CASKIN1: variants seen among roughly 807,000 people sequenced by gnomAD.
The protein encoded by CASKIN1 is caskin-1.
CASKIN1 carries 42 observed loss-of-function variants against 117.5 expected under a neutral mutation model. The ratio of observed to expected loss-of-function variants is 0.36; its 90% CI spans 0.28 to 0.46. The LOEUF (loss-of-function observed/expected upper bound fraction) is 0.46, where lower values mean the gene tolerates loss of function less well. Among genes scored for constraint, CASKIN1 ranks in the 20% least tolerant of loss-of-function variants. The probability of loss-of-function intolerance (pLI) is 1.00; values close to 1 mark genes in which losing one functional copy is unlikely to be tolerated. For synonymous variants in CASKIN1, 1,148 were observed against 961.7 expected (o/e 1.19, Z -3.59); for missense variants, 2,083 against 2,077.3 (o/e 1.00, Z -0.05).
In CASKIN1 at chr16:2,183,813, G is replaced by A. The variant is rs760188792; in HGVS notation, c.1527+18C>T. On this transcript the variant is annotated intron_variant, in intron 15 of 19. Coordinates refer to ENST00000343516, the MANE Select transcript of CASKIN1 (RefSeq NM_020764.4). Reference sequence around the variant, plus strand: ...TCTGTGGGACGCAGCTGGCGCTGGCGGCGCATGGAAAGCTCACCTCGGGAG... The same window carrying A: ...TCTGTGGGACGCAGCTGGCGCTGGCAGCGCATGGAAAGCTCACCTCGGGAG... 8.7e-6 allele frequency: 14 copies of A among 1,611,626 alleles called. No individual in the cohort carries two copies. The East Asian group carries it at 1.8e-4, about 21-fold the overall frequency.
Position 2,190,132 on chromosome 16 carries a change from G to A in CASKIN1, c.185C>T (p.Thr62Met), listed in dbSNP as rs770028046. ...ALHHAALNGN[T>M]ELISLLLEAQ... ...CTCCAGCAGCAGGCTGATCAATTCC[G>A]TGTTGCCGTTCAGGGCCGCATGGTG... Residue 62 changes from threonine to methionine, a missense_variant, in exon 3 of 20, where the codon ACG becomes ATG. Thr to Met is a moderately conservative substitution (Grantham distance 81). Coordinates refer to ENST00000343516, the MANE Select transcript of CASKIN1 (RefSeq NM_020764.4). 2.7e-5 allele frequency: 44 copies of A among 1,612,746 alleles called. No individual in the cohort carries two copies. Among genetic ancestry groups the A allele is most frequent in the Middle Eastern group, 1.6e-4 (1 of 6,080 alleles).
chr16:2,187,405 A>G lies in CASKIN1; in HGVS notation c.674T>C (p.Leu225Pro). 1 of 1,611,414 alleles carries G rather than the reference A, an allele frequency of 6.2e-7. No individual in the cohort carries two copies. The highest frequency in any genetic ancestry group is 8.5e-7 in the Non-Finnish European group (1 of 1,179,826). The change falls in exon 7 of 20, where the codon CTG (leucine) becomes CCG (proline). Residue 225 changes from leucine (L) to proline (P), a missense_variant. By Grantham distance (98) the Leu-to-Pro change is moderately conservative. Transcript: ENST00000343516. Reference sequence around the variant, plus strand: ...CTTTCCGCAGAGCGCAGCCTCGTGCAGGGCCGTGCCGGACTTGGTCTGGCG... The same window carrying G: ...CTTTCCGCAGAGCGCAGCCTCGTGCGGGGCCGTGCCGGACTTGGTCTGGCG... Reference protein sequence around the residue: ...INRQTKSGTALHEAALCGKTE... With the variant: ...INRQTKSGTAPHEAALCGKTE...
In CASKIN1 at chr16:2,182,040, G is replaced by A. The variant is rs943074457; in HGVS notation, c.1630-111C>T. On this transcript the variant is annotated intron_variant, in intron 16 of 19. Coordinates refer to ENST00000343516, the MANE Select transcript of CASKIN1 (RefSeq NM_020764.4). This position sits in a 1 kb window ranked among gnomAD's most constrained non-coding sequence, Gnocchi z 4.1. ...CGGGCCAGCAGGGCACAGACAGACA[G>A]GAGGACAAACGGATAGGCCGAGGTA... The A allele has an allele frequency of 2.0e-6, 3 of 1,496,856 alleles. No individual in the cohort carries two copies. The highest frequency in any genetic ancestry group is 1.8e-6 in the Non-Finnish European group (2 of 1,096,066). 92.7% of individuals were successfully genotyped at this position (1,496,856 alleles called of 1,614,324 possible).
chr16:2,183,941 T>C lies in CASKIN1; in HGVS notation c.1417A>G (p.Ser473Gly), dbSNP rs1457350163. ...AGCCACTGGCTCACGGCCTCAGAGCTCTGGAAGACACAAGGCACCCACTGC... is the reference window on the plus strand; with the variant it reads ...AGCCACTGGCTCACGGCCTCAGAGCCCTGGAAGACACAAGGCACCCACTGC... ...KKLEPASEGK[S>G]SEAVSQWLTA... The change falls in exon 15 of 20, where the codon AGC becomes GGC. Residue 473 changes from serine to glycine, a missense_variant and splice_region_variant. Physicochemically the swap from Ser to Gly is moderately conservative, Grantham distance 56. Coordinates refer to ENST00000343516, the MANE Select transcript of CASKIN1 (RefSeq NM_020764.4). 1.9e-6 allele frequency: 3 copies of C among 1,592,224 alleles called. No individual in the cohort carries two copies.
Position 2,179,420 on chromosome 16 carries a change from G to T in CASKIN1, c.3776-95C>A. On this transcript the variant is annotated intron_variant, in intron 18 of 19. Coordinates refer to ENST00000343516, the MANE Select transcript of CASKIN1 (RefSeq NM_020764.4). The surrounding 1 kb of genome is among the most constrained non-coding windows in gnomAD (Gnocchi z 5.8). ...CGCGGCTTCCTCCCCAGCGGACCGG[G>T]AAAGACCCTGCTCACCTTGCCCCCA... The T allele has an allele frequency of 7.5e-7, 1 of 1,336,998 alleles. No homozygotes were observed. The highest frequency in any genetic ancestry group is 9.5e-7 in the Non-Finnish European group (1 of 1,050,624). 82.8% of individuals were successfully genotyped at this position (1,336,998 alleles called of 1,614,324 possible). A position where few individuals can be genotyped will look rare whatever the true frequency, so the allele number is the denominator to read the frequency against.
At chr16:2,190,268 C>T (rs1244320420) in intron 2 of CASKIN1, 39 bp downstream of exon 2, 1 of 1,580,538 alleles carries the variant, frequency 6.3e-7, no homozygotes, top group South Asian at 1.1e-5. Flanking sequence ...TAGGAGCCAC[C>T]CTCCCTTCCA....
Position 2,180,733 on chromosome 16 carries a change from G to T in CASKIN1, c.2635C>A (p.Arg879=). The T allele has an allele frequency of 2.1e-6, 3 of 1,447,564 alleles. No individual in the cohort carries two copies. The highest frequency in any genetic ancestry group is 2.6e-5 in the East Asian group (1 of 37,856). The allele number at this position is 1,447,564 out of a possible 1,614,324, so 89.7% of individuals were successfully genotyped here. The change falls in exon 18 of 20, where the codon CGG becomes AGG. Residue 879 remains arginine, a synonymous_variant. Transcript: ENST00000343516. ...GCATAGCGATTCAGGCTGTGGGCCC[G>T]CTTCTTGGGCCGCCCCGGCTCCGCG... is the stretch of plus-strand genomic sequence containing the variant. ...ADAEPGRPKK[R]AHSLNRYAAS... is the part of the protein sequence containing the mutation.
Position 2,177,751 on chromosome 16 carries a change from G to C in CASKIN1, c.*799C>G, listed in dbSNP as rs891471879. On this transcript the variant is annotated 3_prime_UTR_variant, in exon 20 of 20. Coordinates refer to ENST00000343516, the MANE Select transcript of CASKIN1 (RefSeq NM_020764.4). ...ATTCACCAAACCCACCCGCGCCCTG[G>C]GACGCAGCCACGCCAGGAGGAGGAC... 1 of 243,246 alleles carries C rather than the reference G, an allele frequency of 4.1e-6. No individual in the cohort carries two copies. The highest frequency in any genetic ancestry group is 2.2e-5 in the African/African-American group (1 of 45,078). The allele number at this position is 243,246 out of a possible 1,614,324, so 15.1% of individuals were successfully genotyped here. A position where few individuals can be genotyped will look rare whatever the true frequency, so the allele number is the denominator to read the frequency against.
chr16:2,180,191 C>T lies in CASKIN1; in HGVS notation c.3177G>A (p.Val1059=). ...CGCTGAGCGTGCGGCGCCGGTTCACCACCTCCCCGCCAGGCCCGATGGCCT... is the reference window on the plus strand; with the variant it reads ...CGCTGAGCGTGCGGCGCCGGTTCACTACCTCCCCGCCAGGCCCGATGGCCT... ...HKEAIGPGGE[V]VNRRRTLSGP... Residue 1059 remains valine, a synonymous_variant, in exon 18 of 20, where the codon GTG becomes GTA. Transcript: ENST00000343516. 1 of 1,549,838 alleles carries T rather than the reference C, an allele frequency of 6.5e-7. No homozygotes were observed. The highest frequency in any genetic ancestry group is 8.7e-7 in the Non-Finnish European group (1 of 1,147,458).
rs779937875 is a variant in CASKIN1, at chr16:2,178,600, C to G, written c.4246G>C (p.Gly1416Arg). The change falls in exon 20 of 20, where the codon GGC becomes CGC. Residue 1416 changes from glycine (G) to arginine (R), a missense_variant. Around this residue, in one of 3 missense-constraint regions of CASKIN1, gnomAD observed 1,818 missense variants for 1,688.9 expected, o/e 1.08. Coordinates refer to ENST00000343516, the MANE Select transcript of CASKIN1 (RefSeq NM_020764.4). ...TCGGCCAGGTCGTCGAACATGCTGC[C>G]GATGTCGTCCAGGATGCTGCCAGTG... ...KSTGSILDDIGSMFDDLADQL... is the reference protein window; with the variant it reads ...KSTGSILDDIRSMFDDLADQL... 5 of 1,597,686 alleles carry G rather than the reference C, an allele frequency of 3.1e-6. No homozygotes were observed. The highest frequency in any genetic ancestry group is 4.3e-6 in the Non-Finnish European group (5 of 1,176,308).
rs201512942 is a variant in CASKIN1, at chr16:2,183,811, G to A, written c.1527+20C>T. The A allele has an allele frequency of 6.5e-5, 105 of 1,611,724 alleles. No individual in the cohort carries two copies. In the African/African-American group the frequency reaches 1.2e-3, roughly 18 times the overall value. On this transcript the variant is annotated intron_variant, in intron 15 of 19. Coordinates refer to ENST00000343516, the MANE Select transcript of CASKIN1 (RefSeq NM_020764.4). ...CATCTGTGGGACGCAGCTGGCGCTG[G>A]CGGCGCATGGAAAGCTCACCTCGGG...
At position 2,179,160 on chromosome 16, in the gene CASKIN1, G is replaced by A; in HGVS notation, c.3941C>T (p.Pro1314Leu). Residue 1314 changes from proline to leucine, a missense_variant, in exon 19 of 20, where the codon CCG becomes CTG. Around this residue, in one of 3 missense-constraint regions of CASKIN1, gnomAD observed 1,818 missense variants for 1,688.9 expected, o/e 1.08. Coordinates refer to ENST00000343516, the MANE Select transcript of CASKIN1 (RefSeq NM_020764.4). This position sits in a 1 kb window ranked among gnomAD's most constrained non-coding sequence, Gnocchi z 5.8. ...GCCCAGCGAGGGCGGCGTACCGGGC[G>A]GCTTGGCGAGGGCGGCGGGCGGCTG... ...ARQPPAALAK[P>L]PGTPPSLGAS... 1.8e-6 allele frequency: 2 copies of A among 1,088,802 alleles called. No individual in the cohort carries two copies. Among genetic ancestry groups the A allele is most frequent in the Non-Finnish European group, 2.2e-6 (2 of 896,432 alleles). 67.4% of individuals were successfully genotyped at this position (1,088,802 alleles called of 1,614,324 possible).
rs1441778478 is a variant in CASKIN1 at position 2,180,325 on chromosome 16, C to A, written c.3043G>T (p.Gly1015Cys). 2.5e-6 allele frequency: 4 copies of A among 1,597,310 alleles called. No individual in the cohort carries two copies. Among genetic ancestry groups the A allele is most frequent in the Admixed American group, 1.7e-5 (1 of 59,480 alleles). Residue 1015 changes from glycine (G) to cysteine (C), a missense_variant, in exon 18 of 20, where the codon GGT becomes TGT. Coordinates refer to ENST00000343516, the MANE Select transcript of CASKIN1 (RefSeq NM_020764.4). ...AAMLELSSIG[G>C]GGRAARRPPE... is the part of the protein sequence containing the mutation. The stretch of plus-strand genomic sequence containing the variant: ...GGCCTGCGGGCAGCCCGGCCCCCAC[C>A]CCCAATGGAGGACAGCTCCAGCATG...
chr16:2,186,615 C>T, intron 10 of CASKIN1, 92 bp downstream of exon 10: 2 of 1,158,756 alleles, frequency 1.7e-6, no homozygotes, highest in Non-Finnish European at 2.5e-6. Flanking sequence ...AAACCCAGCC[C>T]TGCTGGGCCC....
Position 2,180,329 on chromosome 16 carries a change from A to C in CASKIN1, c.3039T>G (p.Ile1013Met). The change falls in exon 18 of 20, where the codon ATT (isoleucine) becomes ATG (methionine). Residue 1013 changes from isoleucine to methionine, a missense_variant. This residue lies in a region of CASKIN1 where 1,818 missense variants were observed against 1,688.9 expected (regional missense o/e 1.08). Coordinates refer to ENST00000343516, the MANE Select transcript of CASKIN1 (RefSeq NM_020764.4). ...SIAAMLELSS[I>M]GGGGRAARRP... is the part of the protein sequence containing the mutation. Reference sequence around the variant, plus strand: ...TGCGGGCAGCCCGGCCCCCACCCCCAATGGAGGACAGCTCCAGCATGGCCG... The same window carrying C: ...TGCGGGCAGCCCGGCCCCCACCCCCCATGGAGGACAGCTCCAGCATGGCCG... The C allele has an allele frequency of 6.3e-7, 1 of 1,597,064 alleles. No individual in the cohort carries two copies. The highest frequency in any genetic ancestry group is 8.5e-7 in the Non-Finnish European group (1 of 1,177,248).
intron 10 of CASKIN1, 142 bp from the exon 11 acceptor site, chr16:2,185,550 G>C: frequency 1.5e-6 from 1 of 685,944 alleles, no homozygotes; most frequent in Non-Finnish European, 2.4e-6. Context: ...TAGCCCCTCG[G>C]AAGACCCCTC....
Position 2,189,434 on chromosome 16 carries a change from A to G in CASKIN1, c.375T>C (p.His125=), listed in dbSNP as rs375637115. 12 of 1,611,628 alleles carry G rather than the reference A, an allele frequency of 7.4e-6. No homozygotes were observed. The African/African-American group carries it at 1.3e-4, about 18-fold the overall frequency. Residue 125 remains histidine (H), a synonymous_variant, in exon 4 of 20, where the codon CAT becomes CAC. Transcript: ENST00000343516. ...GHIPLHLAAQ[H]GHYDVSEMLL... ...CGGGCCTCACCACATCATAGTGACCATGCTGGGCCGCCAGGTGCAGGGGGA... is the reference window on the plus strand; with the variant it reads ...CGGGCCTCACCACATCATAGTGACCGTGCTGGGCCGCCAGGTGCAGGGGGA...
In CASKIN1 at chr16:2,178,410, CCCGGGTCCAGGGG is replaced by C; in HGVS notation, c.*127_*139del. On this transcript the variant is annotated 3_prime_UTR_variant, in exon 20 of 20. Transcript: ENST00000343516. ...AGGCGGTCCCCGGTGGGCGCCCCGG[CCCGGGTCCAGGGG>C]CCGGAGTTGTGCTTCTGCAGGGCCC... The C allele has an allele frequency of 1.8e-6, 1 of 570,828 alleles. No individual in the cohort carries two copies. Among genetic ancestry groups the C allele is most frequent in the Non-Finnish European group, 2.8e-6 (1 of 357,932 alleles). The allele number at this position is 570,828 out of a possible 1,614,324, so 35.4% of individuals were successfully genotyped here. A position where few individuals can be genotyped will look rare whatever the true frequency, so the allele number is the denominator to read the frequency against.
In CASKIN1 at chr16:2,196,082, G is replaced by A. The variant is rs1189695979; in HGVS notation, c.94+257C>T. Among the ~76,000 whole-genome samples, 5 of 152,016 alleles carry A rather than the reference G, an allele frequency of 3.3e-5. No individual in the cohort carries two copies. Among genetic ancestry groups the A allele is most frequent in the Admixed American group, 3.3e-4 (5 of 15,284 alleles). On this transcript the variant is annotated intron_variant, in intron 1 of 19. Coordinates refer to ENST00000343516, the MANE Select transcript of CASKIN1 (RefSeq NM_020764.4). The surrounding 1 kb of genome is among the most constrained non-coding windows in gnomAD (Gnocchi z 5.7). ...GAGGTAGAGAGAGAGGGATGCGAAC[G>A]CCCGCGGCCCGGGAGGCGGGTGCCG... is the stretch of plus-strand genomic sequence containing the variant.
Sources: gnomAD v4.1 joint callset for allele counts (sites outside exome capture counted in the v4.1 genomes callset) on GRCh38, gnomAD v4.1.1 for gene constraint, gnomAD v4.1.1 regional missense constraint, Gnocchi (gnomAD v3.1) non-coding constraint, MANE v1.5 for transcripts, NCBI Gene and HGNC (gene_info 2026-07-23, HGNC 2026-07-21) for gene names.